The following PAX2 variants were observed in gnomAD, a reference collection of about 807,000 sequenced individuals.
PAX2 encodes the protein paired box protein Pax-2.
A neutral mutation model predicts 41.7 loss-of-function variants in PAX2; 9 were observed. The ratio of observed to expected loss-of-function variants is 0.22; its 90% confidence interval spans 0.13 to 0.38. PAX2 has a LOEUF of 0.38. Among genes scored for constraint, PAX2 ranks in the 10% least tolerant of loss-of-function variants. The probability of loss-of-function intolerance (pLI) is 1.00; values close to 1 mark genes in which losing one functional copy is unlikely to be tolerated. For synonymous variants in PAX2, 221 were observed against 212.7 expected (o/e 1.04, Z -0.34); for missense variants, 418 against 531.6 (o/e 0.79, Z 2.10).
In PAX2 at chr10:100,745,856, C is replaced by A. The variant is rs1270903058; in HGVS notation, c.-405C>A. 1.4e-5 allele frequency: 16 copies of A among 1,104,202 alleles called. No individual in the cohort carries two copies. The South Asian group carries it at 6.1e-4, about 42-fold the overall frequency. 68.4% of individuals were successfully genotyped at this position (1,104,202 alleles called of 1,614,324 possible). On this transcript the variant is annotated 5_prime_UTR_variant, in exon 1 of 10. Transcript: ENST00000355243. ...GCGCCCTCTGACCGCCCCCGCCCCG[C>A]GCGCTCTCCGACCACCGCCTCTCGG...
intron 7 of PAX2, among the ~76,000 whole-genome samples, chr10:100,820,823 G>A (rs1294964435): frequency 6.6e-6 from 1 of 152,218 alleles, no homozygotes; most frequent in Non-Finnish European, 1.5e-5. Context: ...TGTAATTTCT[G>A]ATGCTGTTTT....
At chr10:100,788,329 C>T (rs1846957720) in intron 5 of PAX2, among the ~76,000 whole-genome samples, 2 of 152,208 alleles carry the variant, frequency 1.3e-5, no homozygotes, top group Non-Finnish European at 2.9e-5. Flanking sequence ...TAATGTAAAC[C>T]AGGCGTGCCC....
intron 5 of PAX2, among the ~76,000 whole-genome samples, chr10:100,796,216 T>C (rs763818277): frequency 6.6e-6 from 1 of 152,260 alleles, no homozygotes; most frequent in Non-Finnish European, 1.5e-5. Context: ...CACCAGGAGA[T>C]AACCACTGTT....
chr10:100,765,678 G>A (rs1845995365), intron 3 of PAX2, among the ~76,000 whole-genome samples: 1 of 152,134 alleles, frequency 6.6e-6, no homozygotes, highest in South Asian at 2.1e-4. Flanking sequence ...ATAGGCAGTG[G>A]TGAGCTCTGT....
chr10:100,764,480 G>A (rs1388003937), intron 3 of PAX2, among the ~76,000 whole-genome samples: 2 of 152,182 alleles, frequency 1.3e-5, no homozygotes, highest in Non-Finnish European at 2.9e-5. Context: ...AGAGCCAAAA[G>A]GATATTCTGT....
At chr10:100,788,862 A>T (rs1846982563) in intron 5 of PAX2, among the ~76,000 whole-genome samples, 1 of 151,936 alleles carries the variant, frequency 6.6e-6, no homozygotes. Context: ...TCTTGCATGC[A>T]CACACACCCC....
In PAX2 at chr10:100,826,810, C is replaced by T. The variant is rs993847012; in HGVS notation, c.1022-199C>T. Among the ~76,000 whole-genome samples, 5 of 152,194 alleles carry T rather than the reference C, an allele frequency of 3.3e-5. No individual in the cohort carries two copies. The highest frequency in any genetic ancestry group is 1.2e-4 in the African/African-American group (5 of 41,466). ...GGGTGTGCGAGCGCGTCGGTGCCTC[C>T]CGCCTCCCCGGGCTCTCTCCACGCG... On this transcript the variant is annotated intron_variant, in intron 8 of 9. Transcript: ENST00000355243. This position sits in a 1 kb window ranked among gnomAD's most constrained non-coding sequence, Gnocchi z 5.5.
chr10:100,763,121 C>G (rs575911289), intron 3 of PAX2, among the ~76,000 whole-genome samples: 10 of 152,284 alleles, frequency 6.6e-5, no homozygotes, highest in African/African-American at 2.4e-4. Flanking sequence ...AGCTGCTACC[C>G]CTGTCCTCCT....
rs770574664 is a variant in PAX2, at chr10:100,827,691, C to G, written c.*72C>G. The G allele has an allele frequency of 4.2e-5, 67 of 1,612,572 alleles. No homozygotes were observed. The East Asian group carries it at 1.5e-3, about 35-fold the overall frequency. On this transcript the variant is annotated 3_prime_UTR_variant, in exon 10 of 10. Coordinates refer to ENST00000355243, the MANE Select transcript of PAX2 (RefSeq NM_000278.5). The surrounding 1 kb of genome is among the most constrained non-coding windows in gnomAD (Gnocchi z 8.5). Reference sequence around the variant, plus strand: ...CACATCGTCCCCGTCTGACCCCACCCCGGAGGGAGGGAGGACCGACGCGAC... The same window carrying G: ...CACATCGTCCCCGTCTGACCCCACCGCGGAGGGAGGGAGGACCGACGCGAC...
chr10:100,808,200 CA>C (rs1847861998), intron 6 of PAX2, among the ~76,000 whole-genome samples: 1 of 152,144 alleles, frequency 6.6e-6, no homozygotes, highest in Non-Finnish European at 1.5e-5. Context: ...GGTGATAAAT[CA>C]GGGGGCAGCT....
At chr10:100,798,104 C>CTT (rs11314855) in intron 5 of PAX2, among the ~76,000 whole-genome samples, 7,234 of 86,470 alleles carry the variant, frequency 0.084, 465 homozygotes, top group South Asian at 0.15. Flanking sequence ...ATGTCCACCT[C>CTT]TTTTTTTTTT....
intron 4 of PAX2, 62 bp downstream of exon 4, chr10:100,779,645 G>A: frequency 7.5e-7 from 1 of 1,327,234 alleles, no homozygotes; most frequent in South Asian, 1.3e-5. Flanking sequence ...AGGAAACGCA[G>A]CTCCACCCCT....
At chr10:100,804,259 C>CA (rs2133945147) in intron 5 of PAX2, among the ~76,000 whole-genome samples, 1 of 136,636 alleles carries the variant, frequency 7.3e-6, no homozygotes, top group African/African-American at 2.8e-5. Context: ...GACAAAGCTT[C>CA]AGTTCAGCCC....
rs1263112566 is a variant in PAX2 at position 100,827,309 on chromosome 10, G to GC, written c.1108+217dup. Among the ~76,000 whole-genome samples, 2 of 152,116 alleles carry GC rather than the reference G, an allele frequency of 1.3e-5. No individual in the cohort carries two copies. Among genetic ancestry groups the GC allele is most frequent in the East Asian group, 3.9e-4 (2 of 5,162 alleles). ...CGCTCGAAGGCTCTGCGCCGCCCTC[G>GC]CCCTCGGATCCCCTGGAGGGTGCGC... On this transcript the variant is annotated intron_variant, in intron 9 of 9. Coordinates refer to ENST00000355243, the MANE Select transcript of PAX2 (RefSeq NM_000278.5). The surrounding 1 kb of genome is among the most constrained non-coding windows in gnomAD (Gnocchi z 8.5).
At position 100,829,342 on chromosome 10, in the gene PAX2, G is replaced by A. The variant is rs1180163716; in HGVS notation, c.*1723G>A. 4.5e-6 allele frequency: 1 copy of A among 220,624 alleles called. No individual in the cohort carries two copies. Among genetic ancestry groups the A allele is most frequent in the African/African-American group, 2.2e-5 (1 of 44,532 alleles). 13.7% of individuals were successfully genotyped at this position (220,624 alleles called of 1,614,324 possible). Reference sequence around the variant, plus strand: ...TCCTCGGCCTCTCTCCCCAGACCTGGCCCGGCCGCCCTGTCTCCGCAGGCT... The same window carrying A: ...TCCTCGGCCTCTCTCCCCAGACCTGACCCGGCCGCCCTGTCTCCGCAGGCT... On this transcript the variant is annotated 3_prime_UTR_variant, in exon 10 of 10. Coordinates refer to ENST00000355243, the MANE Select transcript of PAX2 (RefSeq NM_000278.5).
At chr10:100,766,655 T>C (rs1846040865) in intron 3 of PAX2, among the ~76,000 whole-genome samples, 2 of 152,208 alleles carry the variant, frequency 1.3e-5, no homozygotes, top group Admixed American at 1.3e-4. Flanking sequence ...TAGAATCGTA[T>C]TTTTGGTTAT....
At chr10:100,804,293 C>CACACACAG (rs1398925415) in intron 5 of PAX2, among the ~76,000 whole-genome samples, 7 of 151,742 alleles carry the variant, frequency 4.6e-5, no homozygotes, top group Non-Finnish European at 8.8e-5. Context: ...CACACACACA[C>CACACACAG]ACAGACACAG....
At chr10:100,775,818 T>G (rs17113441) in intron 3 of PAX2, among the ~76,000 whole-genome samples, 13,857 of 152,216 alleles carry the variant, frequency 0.091, 1,864 homozygotes, top group African/African-American at 0.29. Flanking sequence ...TGTAGATGAT[T>G]GTACACTGCC....
Position 100,829,723 on chromosome 10 carries a change from G to C in PAX2, c.*2104G>C, listed in dbSNP as rs1013536362. On this transcript the variant is annotated 3_prime_UTR_variant, in exon 10 of 10. Coordinates refer to ENST00000355243, the MANE Select transcript of PAX2 (RefSeq NM_000278.5). Reference sequence around the variant, plus strand: ...GCTCCAGTGGCCCGAACGGGGCGGCGAGGGCGGCGAGGGCGCCGAGGTCCG... The same window carrying C: ...GCTCCAGTGGCCCGAACGGGGCGGCCAGGGCGGCGAGGGCGCCGAGGTCCG... 1 of 202,068 alleles carries C rather than the reference G, an allele frequency of 4.9e-6. No individual in the cohort carries two copies. The highest frequency in any genetic ancestry group is 6.0e-5 in the Admixed American group (1 of 16,612). 12.5% of individuals were successfully genotyped at this position (202,068 alleles called of 1,614,324 possible). A position where few individuals can be genotyped will look rare whatever the true frequency, so the allele number is the denominator to read the frequency against.
Sources: allele counts gnomAD v4.1 joint callset (sites outside exome capture counted in the v4.1 genomes callset), GRCh38; gene constraint gnomAD v4.1.1; non-coding constraint Gnocchi (gnomAD v3.1); transcripts MANE v1.5; gene names NCBI Gene and HGNC (gene_info 2026-07-23, HGNC 2026-07-21).